Variants in LRRC7 observed in about 807,000 individuals in gnomAD.
The protein encoded by LRRC7 is leucine-rich repeat-containing protein 7.
In LRRC7, 23 loss-of-function variants were observed where a neutral mutation model predicts 175.7. The ratio of observed to expected loss-of-function variants is 0.13; its 90% CI spans 0.09 to 0.19. LRRC7 has a LOEUF of 0.19. Among genes scored for constraint, LRRC7 ranks in the 10% least tolerant of loss-of-function variants. The probability of loss-of-function intolerance (pLI) is 1.00; values close to 1 mark genes in which losing one functional copy is unlikely to be tolerated. For missense variants in LRRC7, 1,354 were observed against 1,904.7 expected (o/e 0.71, Z 5.38); for synonymous variants, 685 against 680.9 (o/e 1.01, Z -0.09).
chr1:69,977,406 A>G (rs17505551), intron 8 of LRRC7, among the ~76,000 whole-genome samples: 7,094 of 152,292 alleles, frequency 0.047, 173 homozygotes, highest in South Asian at 0.1. Context: ...TTGAGGGCAG[A>G]GACCATACCA....
At chr1:69,660,736 A>G (rs1657339749) in intron 1 of LRRC7, among the ~76,000 whole-genome samples, 1 of 152,060 alleles carries the variant, frequency 6.6e-6, no homozygotes, top group South Asian at 2.1e-4. Context: ...ATTTAAGGGA[A>G]GGTTACAGGC....
In LRRC7 at chr1:69,813,255, T is replaced by G. The variant is rs568834964; in HGVS notation, c.422-12493T>G. ...CCCTTTCTTCTCTCTCATGTCACTG[T>G]GCTTGCTTGCTCAGCAAAATTACAA... On this transcript the variant is annotated intron_variant, in intron 4 of 26. Coordinates refer to ENST00000651989, the MANE Select transcript of LRRC7 (RefSeq NM_001370785.2). 6.4e-4 allele frequency among the ~76,000 whole-genome samples: 98 copies of G among 152,300 alleles called. 1 individual carries two copies. Among genetic ancestry groups the G allele is most frequent in the Admixed American group, 9.2e-4 (14 of 15,272 alleles).
chr1:69,687,520 C>CAAAAAAAAAAAAA (rs551726376), intron 2 of LRRC7, among the ~76,000 whole-genome samples: 211 of 95,886 alleles, frequency 2.2e-3, no homozygotes, highest in Admixed American at 3.4e-3. Context: ...AAGAAAAAAC[C>CAAAAAAAAAAAAA]AAAAAAAAAA....
intron 8 of LRRC7, among the ~76,000 whole-genome samples, chr1:69,977,559 C>T (rs1184485236): frequency 6.6e-6 from 1 of 152,144 alleles, no homozygotes; most frequent in Non-Finnish European, 1.5e-5. Flanking sequence ...GTGGCAGTGA[C>T]AATACTATTT....
intron 26 of LRRC7, among the ~76,000 whole-genome samples, chr1:70,116,256 G>A (rs954422257): frequency 3.3e-5 from 5 of 152,182 alleles, no homozygotes; most frequent in Admixed American, 6.5e-5. Flanking sequence ...TAACACAGAA[G>A]AGAAATTCTT....
intron 5 of LRRC7, among the ~76,000 whole-genome samples, chr1:69,827,445 A>G (rs1380882800): frequency 6.6e-6 from 1 of 152,216 alleles, no homozygotes; most frequent in Admixed American, 6.5e-5. Context: ...AAAAATGCAT[A>G]ACACTGTAAA....
chr1:69,729,106 G>A (rs1667286158), intron 2 of LRRC7, among the ~76,000 whole-genome samples: 1 of 152,026 alleles, frequency 6.6e-6, no homozygotes, highest in African/African-American at 2.4e-5. Flanking sequence ...AGCACAAGGG[G>A]GTAACCGCCC....
intron 11 of LRRC7, 108 bp downstream of exon 11, chr1:69,994,741 G>T: frequency 4.6e-6 from 3 of 649,226 alleles, no homozygotes; most frequent in Non-Finnish European, 7.9e-6. Context: ...CAATAATCCT[G>T]TTCATCTGTC....
chr1:69,755,051 G>T (rs969707322), intron 2 of LRRC7, among the ~76,000 whole-genome samples: 1 of 151,906 alleles, frequency 6.6e-6, no homozygotes, highest in Non-Finnish European at 1.5e-5. Context: ...AAAGTGGACG[G>T]ATAAGTGTCA....
chr1:69,710,278 CAAAAAAA>C (rs77553066), intron 2 of LRRC7, among the ~76,000 whole-genome samples: 1 of 87,214 alleles, frequency 1.1e-5, no homozygotes, highest in Non-Finnish European at 2.2e-5. Flanking sequence ...GACTCCGTCT[CAAAAAAA>C]AAAAAAAAAA....
chr1:69,682,382 G>A (rs1204589710), intron 2 of LRRC7, among the ~76,000 whole-genome samples: 1 of 152,096 alleles, frequency 6.6e-6, no homozygotes, highest in Non-Finnish European at 1.5e-5. Context: ...CAGGGTTCAA[G>A]CATTAAGGAG....
At chr1:69,753,491 G>A (rs1670073762) in intron 2 of LRRC7, among the ~76,000 whole-genome samples, 1 of 151,950 alleles carries the variant, frequency 6.6e-6, no homozygotes, top group Admixed American at 6.6e-5. Context: ...ATGACCCTAT[G>A]CACATCATAG....
intron 7 of LRRC7, among the ~76,000 whole-genome samples, chr1:69,909,715 A>G (rs1646458992): frequency 6.7e-6 from 1 of 150,090 alleles, no homozygotes; most frequent in Admixed American, 6.7e-5. Context: ...TTTTTCCTTC[A>G]TTTCAACTTT....
intron 7 of LRRC7, among the ~76,000 whole-genome samples, chr1:69,882,110 A>C (rs957635996): frequency 6.6e-6 from 1 of 152,088 alleles, no homozygotes; most frequent in Admixed American, 6.6e-5. Context: ...TATGAATGAC[A>C]ACAAGTATAT....
At chr1:69,581,592 G>A (rs1036588535) in intron 1 of LRRC7, among the ~76,000 whole-genome samples, 11 of 152,094 alleles carry the variant, frequency 7.2e-5, no homozygotes, top group African/African-American at 2.2e-4. Flanking sequence ...ACTGAATAAC[G>A]CTGACATATT....
At chr1:70,036,032 T>C (rs1334955132) in intron 18 of LRRC7, 89 bp from the exon 19 acceptor site, 2 of 946,856 alleles carry the variant, frequency 2.1e-6, no homozygotes, top group Non-Finnish European at 3.1e-6. Flanking sequence ...GTCACATTTT[T>C]TAATCTGAGC....
At chr1:69,955,002 A>T (rs1020347486) in intron 8 of LRRC7, among the ~76,000 whole-genome samples, 6 of 152,084 alleles carry the variant, frequency 3.9e-5, no homozygotes, top group African/African-American at 7.2e-5. Context: ...GATTAGAATA[A>T]TTAGGATCAA....
At chr1:69,930,017 C>G (rs994497103) in intron 7 of LRRC7, among the ~76,000 whole-genome samples, 2 of 152,126 alleles carry the variant, frequency 1.3e-5, no homozygotes, top group South Asian at 4.1e-4. Flanking sequence ...ATTTCGTATT[C>G]TCATTGAGGC....
intron 2 of LRRC7, among the ~76,000 whole-genome samples, chr1:69,716,781 A>AT (rs1665400521): frequency 6.6e-6 from 1 of 151,876 alleles, no homozygotes; most frequent in African/African-American, 2.4e-5. Flanking sequence ...TGATGAAAGC[A>AT]TGCAATGTTT....
Sources: allele counts gnomAD v4.1 joint callset (sites outside exome capture counted in the v4.1 genomes callset), GRCh38; gene constraint gnomAD v4.1.1; transcripts MANE v1.5; gene names NCBI Gene and HGNC (gene_info 2026-07-23, HGNC 2026-07-21).